LRCH1: variants seen among roughly 807,000 people sequenced by gnomAD.
The protein encoded by LRCH1 is leucine-rich repeat and calponin homology domain-containing protein 1.
LRCH1 carries 23 observed loss-of-function variants against 94.9 expected under a neutral mutation model. That is an observed-to-expected ratio of 0.24 (90% CI 0.17 to 0.34). The LOEUF is 0.34. Among genes scored for constraint, LRCH1 ranks in the 10% least tolerant of loss-of-function variants. LRCH1 has a pLI of 1.00. For missense variants in LRCH1, 790 were observed against 945.9 expected, an observed-to-expected ratio of 0.84 and a Z score of 2.16; for synonymous variants, 364 against 354.9, an observed-to-expected ratio of 1.03 and a Z score of -0.29.
intron 7 of LRCH1, among the ~76,000 whole-genome samples, chr13:46,689,514 C>T (rs183920812): frequency 1.3e-5 from 2 of 152,074 alleles, no homozygotes; most frequent in African/African-American, 4.8e-5. Flanking sequence ...CTAAGTAGTA[C>T]GCAAGTGCCC....
chr13:46,741,843 G>T lies in LRCH1; in HGVS notation c.2287G>T (p.Ala763Ser), dbSNP rs777264388. Residue 763 changes from alanine (A) to serine (S), a missense_variant, in exon 20 of 20, where the codon GCA (alanine) becomes TCA (serine). Around this residue, in one of 3 missense-constraint regions of LRCH1, gnomAD observed 460 missense variants for 508.9 expected, o/e 0.90. Coordinates refer to ENST00000389797, the MANE Select transcript of LRCH1 (RefSeq NM_001164211.2). ...YITYHWNALSA is the reference protein window; with the variant it reads ...YITYHWNALSS ...CACTTACCACTGGAATGCTCTGTCC[G>T]CATAATGTCTGCACGTGCATCCAAA... is the stretch of plus-strand genomic sequence containing the variant. 1.2e-6 allele frequency: 2 copies of T among 1,613,914 alleles called. No homozygotes were observed. The highest frequency in any genetic ancestry group is 1.7e-6 in the Non-Finnish European group (2 of 1,180,016).
chr13:46,715,413 G>T, intron 15 of LRCH1, 147 bp from the exon 16 acceptor site: 9 of 612,184 alleles, frequency 1.5e-5, no homozygotes, highest in South Asian at 3.8e-5. Flanking sequence ...CTCCTATATT[G>T]TGCATTTGAA....
rs1028804509 is a variant in LRCH1 at position 46,689,321 on chromosome 13, A to G, written c.1014+125A>G. The stretch of plus-strand genomic sequence containing the variant: ...TATTCATGTGATATTCGTAAAAGTG[A>G]TTTGTATATTCATGTGATTTGAAAT... On this transcript the variant is annotated intron_variant, in intron 7 of 19. Coordinates refer to ENST00000389797, the MANE Select transcript of LRCH1 (RefSeq NM_001164211.2). The G allele has an allele frequency of 1.1e-5, 7 of 657,078 alleles. No individual in the cohort carries two copies. In the African/African-American group the frequency reaches 1.1e-4, roughly 10 times the overall value. The allele number at this position is 657,078 out of a possible 1,614,324, so 40.7% of individuals were successfully genotyped here.
intron 19 of LRCH1, among the ~76,000 whole-genome samples, chr13:46,734,340 A>G (rs929057353): frequency 1.3e-5 from 2 of 152,196 alleles, no homozygotes; most frequent in African/African-American, 4.8e-5. Context: ...TTCATAGAGT[A>G]GAATTTTGGA....
chr13:46,622,327 A>G (rs568138481), intron 1 of LRCH1, among the ~76,000 whole-genome samples: 1 of 152,246 alleles, frequency 6.6e-6, no homozygotes, highest in African/African-American at 2.4e-5. Flanking sequence ...GAAATAAGAC[A>G]CAATCTATCG....
chr13:46,573,957 C>T (rs144032211), intron 1 of LRCH1, among the ~76,000 whole-genome samples: 2,956 of 148,494 alleles, frequency 0.02, 56 homozygotes, highest in Middle Eastern at 0.1. Flanking sequence ...CCACCTGCCT[C>T]GTTCAAGCCT....
chr13:46,648,234 T>G (rs2051247965), intron 1 of LRCH1, among the ~76,000 whole-genome samples: 2 of 152,146 alleles, frequency 1.3e-5, no homozygotes, highest in African/African-American at 4.8e-5. Context: ...CATGCTCCTA[T>G]GAGAATTCAA....
intron 1 of LRCH1, among the ~76,000 whole-genome samples, chr13:46,627,193 A>G (rs565531862): frequency 1.3e-5 from 2 of 152,364 alleles, no homozygotes; most frequent in South Asian, 2.1e-4. Flanking sequence ...ATGTATATAC[A>G]CAAAATTTGA....
At chr13:46,611,459 A>G (rs183311383) in intron 1 of LRCH1, among the ~76,000 whole-genome samples, 1 of 152,334 alleles carries the variant, frequency 6.6e-6, no homozygotes, top group African/African-American at 2.4e-5. Flanking sequence ...ATTTGGCTCA[A>G]AAACACATGA....
chr13:46,627,601 C>A (rs976497674), intron 1 of LRCH1, among the ~76,000 whole-genome samples: 1 of 152,120 alleles, frequency 6.6e-6, no homozygotes, highest in Non-Finnish European at 1.5e-5. Flanking sequence ...CTTCTTCCTC[C>A]CTCTCAGCCC....
exon 19 of LRCH1, chr13:46,751,317 CAAAA>C (rs996022355): frequency 6.6e-6 from 1 of 150,850 alleles, no homozygotes; most frequent in Non-Finnish European, 1.5e-5. Context: ...TATATGATTC[CAAAA>C]AAAAGCGAAA....
chr13:46,603,970 A>G (rs545191606), intron 1 of LRCH1, among the ~76,000 whole-genome samples: 5 of 152,258 alleles, frequency 3.3e-5, no homozygotes, highest in Admixed American at 3.3e-4. Flanking sequence ...CTTCTTTTGA[A>G]ATTAGCTTGT....
chr13:46,741,648 C>G lies in LRCH1; in HGVS notation c.2092C>G (p.Leu698Val), dbSNP rs368202381. 2.5e-6 allele frequency: 4 copies of G among 1,614,124 alleles called. No homozygotes were observed. Among genetic ancestry groups the G allele is most frequent in the Non-Finnish European group, 3.4e-6 (4 of 1,179,992 alleles). The change falls in exon 20 of 20, where the codon CTC (leucine) becomes GTC (valine). Residue 698 changes from leucine to valine, a missense_variant. Transcript: ENST00000389797. ...ATGGCTGCCCTCGGAATAGGCTGAC[C>G]TCTGCTCTCCGTGTGACATCCTGCA... ...CRKLGVPEAD[L>V]CSPCDILQLD...
At chr13:46,606,187 G>T (rs992421099) in intron 1 of LRCH1, among the ~76,000 whole-genome samples, 2 of 147,786 alleles carry the variant, frequency 1.4e-5, no homozygotes, top group Non-Finnish European at 3.0e-5. Flanking sequence ...TGTATAAGTC[G>T]TTCTAAAGTA....
chr13:46,616,772 C>T (rs1299486623), intron 1 of LRCH1, among the ~76,000 whole-genome samples: 1 of 152,182 alleles, frequency 6.6e-6, no homozygotes, highest in East Asian at 1.9e-4. Flanking sequence ...TTTATTTCAC[C>T]TGGGTGCTGG....
At chr13:46,612,253 A>G (rs2050756068) in intron 1 of LRCH1, among the ~76,000 whole-genome samples, 1 of 152,220 alleles carries the variant, frequency 6.6e-6, no homozygotes, top group Non-Finnish European at 1.5e-5. Flanking sequence ...TTAGTTATGC[A>G]ATGAAATAAA....
intron 1 of LRCH1, among the ~76,000 whole-genome samples, chr13:46,644,101 G>A (rs866388682): frequency 3.3e-5 from 5 of 152,122 alleles, no homozygotes; most frequent in Admixed American, 1.3e-4. Context: ...TTTATCCATC[G>A]TTAGCGTTGG....
At chr13:46,631,949 T>A (rs1202796297) in intron 1 of LRCH1, among the ~76,000 whole-genome samples, 1 of 152,126 alleles carries the variant, frequency 6.6e-6, no homozygotes, top group Non-Finnish European at 1.5e-5. Context: ...CACTTGTAAT[T>A]CCAGCACTTT....
chr13:46,740,336 T>G (rs1873588371), intron 19 of LRCH1, among the ~76,000 whole-genome samples: 1 of 152,208 alleles, frequency 6.6e-6, no homozygotes, highest in Admixed American at 6.5e-5. Context: ...CTTAAAAATA[T>G]TTTGTTAAGA....
Sources: allele counts gnomAD v4.1 joint callset (sites outside exome capture counted in the v4.1 genomes callset), GRCh38; gene constraint gnomAD v4.1.1; regional missense constraint gnomAD v4.1.1; transcripts MANE v1.5; gene names NCBI Gene and HGNC (gene_info 2026-07-23, HGNC 2026-07-21).